CDKL5: variants seen among roughly 807,000 people sequenced by gnomAD.
The protein encoded by CDKL5 is cyclin dependent kinase like 5.
A neutral mutation model predicts 61.7 loss-of-function variants in CDKL5; 8 were observed. The ratio of observed to expected loss-of-function variants is 0.13; its 90% confidence interval spans 0.08 to 0.23. The LOEUF (loss-of-function observed/expected upper bound fraction) is 0.23, where lower values mean the gene tolerates loss of function less well. CDKL5 is among the 10% of genes least tolerant of loss of function. CDKL5 has a pLI of 1.00. For synonymous variants in CDKL5, 275 were observed against 272.3 expected, an observed-to-expected ratio of 1.01 and a Z score of -0.10; for missense variants, 440 against 734.5, an observed-to-expected ratio of 0.60 and a Z score of 4.63.
chrX:18,456,144 A>G (rs778156995), intron 1 of CDKL5, among the ~76,000 whole-genome samples: 114 of 107,805 alleles, frequency 1.1e-3, no homozygotes, highest in African/African-American at 3.7e-3. Context: ...GGTTCAAGTG[A>G]TTCTCCTGCC....
Position 18,632,633 on chromosome X carries a change from A to G in CDKL5, c.*3876A>G. The G allele has an allele frequency of 2.7e-6, 2 of 753,265 alleles. No individual in the cohort carries two copies. The highest frequency in any genetic ancestry group is 3.1e-6 in the Non-Finnish European group (2 of 639,237). The allele number at this position is 753,265 out of a possible 1,213,427, so 62.1% of individuals were successfully genotyped here. ...GCTTTGGTTAAATCTGTTTTAAAAC[A>G]TGCTTTAAGATTCACCTTACGCAGT... On this transcript the variant is annotated 3_prime_UTR_variant, in exon 18 of 18. Transcript: ENST00000623535.
chrX:18,455,521 C>G (rs1390572973), intron 1 of CDKL5, among the ~76,000 whole-genome samples: 1 of 112,428 alleles, frequency 8.9e-6, no homozygotes, highest in Non-Finnish European at 1.9e-5. Flanking sequence ...TGGCAACAGC[C>G]AGATCTCTGT....
In CDKL5 at chrX:18,608,810, G is replaced by T. The variant is rs1292801118; in HGVS notation, c.1945-1G>T. The T allele has an allele frequency of 8.4e-7, 1 of 1,191,605 alleles. No homozygotes were observed. Among genetic ancestry groups the T allele is most frequent in the Non-Finnish European group, 1.1e-6 (1 of 877,667 alleles). Reference sequence around the variant, plus strand: ...TAAATCCTTTTAAATTTTACTTCCAGCCTGGAGAACAGCTCCCTCCAGAGA... The same window carrying T: ...TAAATCCTTTTAAATTTTACTTCCATCCTGGAGAACAGCTCCCTCCAGAGA... On this transcript the variant is annotated splice_acceptor_variant, in intron 12 of 17. Coordinates refer to ENST00000623535, the MANE Select transcript of CDKL5 (RefSeq NM_001323289.2). LOFTEE classifies it high-confidence loss of function.
At chrX:18,526,735 G>T (rs758188573) in intron 3 of CDKL5, among the ~76,000 whole-genome samples, 1 of 111,084 alleles carries the variant, frequency 9.0e-6, no homozygotes, top group Admixed American at 9.6e-5. Flanking sequence ...TAGCATGGTG[G>T]TGGTGGTATA....
intron 4 of CDKL5, among the ~76,000 whole-genome samples, chrX:18,572,710 C>A (rs1446357474): frequency 8.9e-6 from 1 of 111,897 alleles, no homozygotes; most frequent in Non-Finnish European, 1.9e-5. Flanking sequence ...AAGAGTTACG[C>A]ATGTATGGGC....
At chrX:18,479,849 C>G (rs185534073) in intron 1 of CDKL5, among the ~76,000 whole-genome samples, 1 of 111,740 alleles carries the variant, frequency 8.9e-6, no homozygotes, top group Admixed American at 9.5e-5. Flanking sequence ...TCTTCAAGTT[C>G]ACTGATTCTT....
chrX:18,582,760 C>T (rs1259317732), intron 7 of CDKL5, among the ~76,000 whole-genome samples: 2 of 111,415 alleles, frequency 1.8e-5, no homozygotes, highest in African/African-American at 3.3e-5. Context: ...AGATGAATTA[C>T]ACAAGCAAGA....
At chrX:18,544,851 T>G (rs1924137159) in intron 3 of CDKL5, among the ~76,000 whole-genome samples, 1 of 112,188 alleles carries the variant, frequency 8.9e-6, no homozygotes, top group African/African-American at 3.2e-5. Context: ...TAGGTTACAT[T>G]TACAACTGTT....
chrX:18,612,818 C>G (rs1317403762), intron 14 of CDKL5, among the ~76,000 whole-genome samples: 1 of 111,251 alleles, frequency 9.0e-6, no homozygotes, highest in East Asian at 2.8e-4. Context: ...GGAATGCCTT[C>G]ACCCTCAGAA....
Position 18,631,474 on chromosome X carries a change from T to G in CDKL5, c.*2717T>G, listed in dbSNP as rs1202010703. ...CACCTAATGGGCCCTCTCTTAGCTT[T>G]TAACTGTTGTTTTCCCCTGTTGATG... On this transcript the variant is annotated 3_prime_UTR_variant, in exon 18 of 18. Coordinates refer to ENST00000623535, the MANE Select transcript of CDKL5 (RefSeq NM_001323289.2). The G allele has an allele frequency of 1.3e-6, 1 of 754,324 alleles. No individual in the cohort carries two copies. Among genetic ancestry groups the G allele is most frequent in the Non-Finnish European group, 1.6e-6 (1 of 639,296 alleles). 62.2% of individuals were successfully genotyped at this position (754,324 alleles called of 1,213,427 possible). A position where few individuals can be genotyped will look rare whatever the true frequency, so the allele number is the denominator to read the frequency against.
chrX:18,573,671 G>A (rs142008867), intron 4 of CDKL5, among the ~76,000 whole-genome samples: 1,311 of 112,319 alleles, frequency 0.012, 27 homozygotes, highest in African/African-American at 0.04. Context: ...GCCACAGTTG[G>A]CCTTTCCTAC....
intron 9 of CDKL5, among the ~76,000 whole-genome samples, chrX:18,595,017 C>T (rs1029148651): frequency 5.4e-5 from 6 of 111,451 alleles, no homozygotes; most frequent in Admixed American, 9.5e-5. Flanking sequence ...CCCAGCTCTA[C>T]TAAAAATACA....
intron 3 of CDKL5, among the ~76,000 whole-genome samples, chrX:18,523,614 G>C (rs1254892654): frequency 8.9e-6 from 1 of 111,874 alleles, no homozygotes; most frequent in African/African-American, 3.2e-5. Flanking sequence ...TATTCGTGCT[G>C]TTACCTGTGG....
Position 18,584,295 on chromosome X carries a change from G to A in CDKL5, c.496G>A (p.Ala166Thr), listed in dbSNP as rs2147145524. ...FARNLSEGNN[A>T]NYTEYVATRW... is the part of the protein sequence containing the mutation. The stretch of plus-strand genomic sequence containing the variant: ...TCGTAATCTGTCAGAAGGCAATAAT[G>A]CTAATTACACAGAGTACGTTGCCAC... Residue 166 changes from alanine to threonine, a missense_variant, in exon 8 of 18, where the codon GCT becomes ACT. This residue lies in a region of CDKL5 where 77 missense variants were observed against 218.2 expected (regional missense o/e 0.35). Transcript: ENST00000623535. 2 of 1,205,909 alleles carry A rather than the reference G, an allele frequency of 1.7e-6. No homozygotes were observed. The highest frequency in any genetic ancestry group is 2.2e-6 in the Non-Finnish European group (2 of 890,318).
intron 7 of CDKL5, among the ~76,000 whole-genome samples, chrX:18,583,760 A>G (rs781417956): frequency 8.9e-6 from 1 of 111,764 alleles, no homozygotes; most frequent in East Asian, 2.8e-4. Flanking sequence ...GATGATAGTA[A>G]TTTTGGCCTG....
At chrX:18,513,131 A>G (rs1922887003) in intron 3 of CDKL5, among the ~76,000 whole-genome samples, 1 of 111,878 alleles carries the variant, frequency 8.9e-6, no homozygotes, top group Non-Finnish European at 1.9e-5. Context: ...TCATACTTCA[A>G]CCTGTGACCT....
At chrX:18,481,308 C>T (rs1921547639) in intron 1 of CDKL5, among the ~76,000 whole-genome samples, 1 of 102,646 alleles carries the variant, frequency 9.7e-6, no homozygotes, top group Non-Finnish European at 2.0e-5. Context: ...GCCATTTCAC[C>T]AAAGAGTCCT....
At chrX:18,537,853 T>C (rs1307315093) in intron 3 of CDKL5, among the ~76,000 whole-genome samples, 1 of 112,477 alleles carries the variant, frequency 8.9e-6, no homozygotes, top group Admixed American at 9.4e-5. Flanking sequence ...TCTTTTTTAT[T>C]GCTCTTTTTT....
intron 1 of CDKL5, among the ~76,000 whole-genome samples, chrX:18,436,528 A>C (rs1004162448): frequency 2.7e-5 from 3 of 110,941 alleles, no homozygotes; most frequent in Non-Finnish European, 3.8e-5. Flanking sequence ...TGGGGAAATA[A>C]GTTTTCCAGA....
Sources: allele counts gnomAD v4.1 joint callset (sites outside exome capture counted in the v4.1 genomes callset), GRCh38; gene constraint gnomAD v4.1.1; regional missense constraint gnomAD v4.1.1; transcripts MANE v1.5; gene names NCBI Gene and HGNC (gene_info 2026-07-23, HGNC 2026-07-21).